Variants in ACTR2 observed in about 807,000 individuals in gnomAD.
ACTR2 encodes the protein actin-related protein 2.
A neutral mutation model predicts 50.2 loss-of-function variants in ACTR2; 5 were observed. The ratio of observed to expected loss-of-function variants is 0.10; its 90% CI spans 0.05 to 0.21. The LOEUF (loss-of-function observed/expected upper bound fraction) is 0.21. ACTR2 is among the 10% of genes least tolerant of loss of function. The pLI is 1.00. For missense variants in ACTR2, 180 were observed against 480.6 expected (o/e 0.37, Z 5.85); for synonymous variants, 140 against 162.9 (o/e 0.86, Z 1.07).
chr2:65,260,666 A>G (rs1206898685), intron 6 of ACTR2, among the ~76,000 whole-genome samples: 6 of 151,978 alleles, frequency 3.9e-5, no homozygotes, highest in Admixed American at 3.9e-4. Flanking sequence ...TGCTGCAAAC[A>G]TCATGCACTC....
intron 6 of ACTR2, among the ~76,000 whole-genome samples, chr2:65,260,234 G>A (rs1672241798): frequency 6.6e-6 from 1 of 152,202 alleles, no homozygotes; most frequent in South Asian, 2.1e-4. Flanking sequence ...GTGGCTAGGC[G>A]CAGTGGTTCA....
At chr2:65,265,995 A>T (rs1672366116) in intron 8 of ACTR2, among the ~76,000 whole-genome samples, 1 of 152,224 alleles carries the variant, frequency 6.6e-6, no homozygotes, top group South Asian at 2.1e-4. Flanking sequence ...ACAGACTGGA[A>T]AGGAGCCATA....
At chr2:65,251,910 G>A (rs1172445048) in intron 4 of ACTR2, among the ~76,000 whole-genome samples, 2 of 151,694 alleles carry the variant, frequency 1.3e-5, no homozygotes, top group Non-Finnish European at 2.9e-5. Context: ...ATAAAATATT[G>A]GCCACGTTGG....
At chr2:65,235,040 C>A (rs981940164) in intron 1 of ACTR2, among the ~76,000 whole-genome samples, 4 of 151,956 alleles carry the variant, frequency 2.6e-5, no homozygotes, top group Admixed American at 2.6e-4. Flanking sequence ...AGATGTTATA[C>A]AGAAATGTGG....
chr2:65,242,138 C>A, intron 2 of ACTR2: 1 of 1,099,806 alleles, frequency 9.1e-7, no homozygotes, highest in Non-Finnish European at 1.4e-6. Flanking sequence ...GTTTTGTGTC[C>A]CTTTAGTATT....
At chr2:65,259,248 A>G (rs1672215640) in intron 6 of ACTR2, among the ~76,000 whole-genome samples, 1 of 151,252 alleles carries the variant, frequency 6.6e-6, no homozygotes, top group Non-Finnish European at 1.5e-5. Context: ...ACAAAGCAAG[A>G]CCCCCGTCTC....
intron 7 of ACTR2, among the ~76,000 whole-genome samples, chr2:65,263,066 G>C (rs1222089928): frequency 1.3e-5 from 2 of 149,808 alleles, no homozygotes; most frequent in East Asian, 1.9e-4. Context: ...GTTTGAGATA[G>C]AGTCTCGCTC....
At chr2:65,227,990 C>A in intron 1 of ACTR2, 33 bp downstream of exon 1, 2 of 1,485,772 alleles carry the variant, frequency 1.3e-6, no homozygotes, top group African/African-American at 1.5e-5. Flanking sequence ...TTGGCGGCCA[C>A]AGACGCCGGC....
intron 7 of ACTR2, among the ~76,000 whole-genome samples, chr2:65,264,064 A>C (rs1299064907): frequency 2.0e-5 from 3 of 152,186 alleles, no homozygotes; most frequent in Admixed American, 6.5e-5. Context: ...TAAAAAATAA[A>C]AAAAGAAAAG....
At chr2:65,239,260 G>A (rs1285864121) in intron 1 of ACTR2, among the ~76,000 whole-genome samples, 1 of 152,166 alleles carries the variant, frequency 6.6e-6, no homozygotes, top group African/African-American at 2.4e-5. Context: ...TTTGAGACCA[G>A]CCTGACCAAC....
At chr2:65,239,825 C>T in intron 1 of ACTR2, 27 bp from the exon 2 acceptor site, 1 of 1,330,242 alleles carries the variant, frequency 7.5e-7, no homozygotes, top group South Asian at 1.2e-5. Context: ...GATGCTAACC[C>T]ACTTTTATTT....
intron 1 of ACTR2, among the ~76,000 whole-genome samples, chr2:65,233,489 A>G (rs1671678061): frequency 6.6e-6 from 1 of 151,800 alleles, no homozygotes; most frequent in Non-Finnish European, 1.5e-5. Context: ...CCCTGTCTCC[A>G]CAAAAAATAA....
At chr2:65,242,112 T>C (rs1671849188) in intron 2 of ACTR2, 2 of 1,400,366 alleles carry the variant, frequency 1.4e-6, no homozygotes, top group Non-Finnish European at 2.0e-6. Context: ...TTTTGCTTGA[T>C]GGGACAGTAG....
chr2:65,237,728 C>T (rs1671767231), intron 1 of ACTR2, among the ~76,000 whole-genome samples: 1 of 152,098 alleles, frequency 6.6e-6, no homozygotes, highest in Admixed American at 6.6e-5. Context: ...TGGCTCACTC[C>T]TGTAATCCCA....
intron 3 of ACTR2, among the ~76,000 whole-genome samples, 200 bp from the exon 4 acceptor site, chr2:65,250,827 G>C (rs1259997619): frequency 6.6e-6 from 1 of 152,096 alleles, no homozygotes; most frequent in Non-Finnish European, 1.5e-5. Flanking sequence ...TGGGGACTTA[G>C]AAATCTGTCT....
intron 2 of ACTR2, chr2:65,241,926 A>T: frequency 2.4e-6 from 3 of 1,268,870 alleles, no homozygotes; most frequent in Non-Finnish European, 3.4e-6. Context: ...ACTGCATCTG[A>T]CCTCAACCTA....
chr2:65,269,970 C>A lies in ACTR2; in HGVS notation c.*1236C>A, dbSNP rs539016319. Reference sequence around the variant, plus strand: ...ATCATAACTGTTAATTCTCAGCCATCTTTGAAGCTTGAAAGAAGAGTCTTT... The same window carrying A: ...ATCATAACTGTTAATTCTCAGCCATATTTGAAGCTTGAAAGAAGAGTCTTT... On this transcript the variant is annotated 3_prime_UTR_variant, in exon 9 of 9. Coordinates refer to ENST00000260641, the MANE Select transcript of ACTR2 (RefSeq NM_005722.4). 3.9e-5 allele frequency: 6 copies of A among 152,226 alleles called. No homozygotes were observed. Among genetic ancestry groups the A allele is most frequent in the African/African-American group, 1.4e-4 (6 of 41,522 alleles). 9.4% of individuals were successfully genotyped at this position (152,226 alleles called of 1,614,324 possible).
intron 2 of ACTR2, among the ~76,000 whole-genome samples, chr2:65,240,666 G>A (rs1671823460): frequency 6.6e-6 from 1 of 152,216 alleles, no homozygotes; most frequent in Non-Finnish European, 1.5e-5. Flanking sequence ...AAAGAGAACA[G>A]TGAGAGGACA....
At chr2:65,232,655 AT>A (rs1366257136) in intron 1 of ACTR2, among the ~76,000 whole-genome samples, 2 of 151,816 alleles carry the variant, frequency 1.3e-5, no homozygotes, top group African/African-American at 2.4e-5. Context: ...CCAGGTTATT[AT>A]TTTTTTGAAG....
Sources: allele counts gnomAD v4.1 joint callset (sites outside exome capture counted in the v4.1 genomes callset), GRCh38; gene constraint gnomAD v4.1.1; transcripts MANE v1.5; gene names NCBI Gene and HGNC (gene_info 2026-07-23, HGNC 2026-07-21).